The following WDFY3 variants were observed in gnomAD, a reference collection of about 807,000 sequenced individuals.
WDFY3 encodes the protein WD repeat and FYVE domain containing 3.
WDFY3 carries 66 observed loss-of-function variants against 409.6 expected under a neutral mutation model. The ratio of observed to expected loss-of-function variants is 0.16; its 90% CI spans 0.13 to 0.20. WDFY3 has a LOEUF of 0.20. WDFY3 is among the 10% of genes least tolerant of loss of function. The pLI is 1.00. For missense variants in WDFY3, 3,031 were observed against 4,298.1 expected, an observed-to-expected ratio of 0.71 and a Z score of 8.24; for synonymous variants, 1,521 against 1,537.1, an observed-to-expected ratio of 0.99 and a Z score of 0.25.
chr4:84,733,311 A>G (rs1560620204), intron 44 of WDFY3, 71 bp downstream of exon 44: 2 of 1,514,626 alleles, frequency 1.3e-6, no homozygotes, highest in East Asian at 2.3e-5. Context: ...GACTAAATAG[A>G]GAAAAAACGC....
chr4:84,929,906 C>A (rs1191670152), intron 2 of WDFY3, among the ~76,000 whole-genome samples: 1 of 149,930 alleles, frequency 6.7e-6, no homozygotes, highest in Middle Eastern at 3.2e-3. Context: ...AGAGAAACTT[C>A]GCTTAAAAAA....
chr4:84,812,413 T>C (rs556764923), intron 13 of WDFY3, among the ~76,000 whole-genome samples: 1 of 152,198 alleles, frequency 6.6e-6, no homozygotes, highest in Admixed American at 6.5e-5. Flanking sequence ...CTCAGGATGC[T>C]TGGGGTCATA....
chr4:84,846,334 C>CCT (rs1046233279), intron 5 of WDFY3, among the ~76,000 whole-genome samples: 2 of 151,902 alleles, frequency 1.3e-5, no homozygotes, highest in African/African-American at 4.8e-5. Flanking sequence ...TTTGAAATTT[C>CCT]CTAAGAGTCT....
intron 48 of WDFY3, among the ~76,000 whole-genome samples, chr4:84,717,249 T>C (rs763006929): frequency 6.6e-6 from 1 of 152,182 alleles, no homozygotes; most frequent in South Asian, 2.1e-4. Flanking sequence ...AGGACCAAGT[T>C]ATCTACCAGA....
intron 24 of WDFY3, 91 bp from the exon 25 acceptor site, chr4:84,783,165 T>C: frequency 2.6e-6 from 3 of 1,167,486 alleles, no homozygotes; most frequent in Non-Finnish European, 3.7e-6. Flanking sequence ...AATGGTAACA[T>C]ATCTTTTCTC....
chr4:84,746,647 G>C (rs1739498920), intron 36 of WDFY3, among the ~76,000 whole-genome samples: 1 of 151,824 alleles, frequency 6.6e-6, no homozygotes, highest in African/African-American at 2.4e-5. Context: ...TTCTTACTGA[G>C]ATGTATAGCA....
chr4:84,677,506 G>T (rs1168203692), intron 66 of WDFY3, 110 bp from the exon 67 acceptor site: 1 of 1,053,818 alleles, frequency 9.5e-7, no homozygotes, highest in Non-Finnish European at 1.3e-6. Flanking sequence ...GGCTGGTAAG[G>T]GTCCTGGAGA....
chr4:84,799,941 G>A (rs1282817551), intron 17 of WDFY3, among the ~76,000 whole-genome samples: 1 of 152,176 alleles, frequency 6.6e-6, no homozygotes, highest in Non-Finnish European at 1.5e-5. Context: ...TGCAATGTAA[G>A]TTATCTGGTA....
chr4:84,732,443 C>T (rs890895878), intron 44 of WDFY3, among the ~76,000 whole-genome samples: 13 of 152,106 alleles, frequency 8.5e-5, no homozygotes, highest in African/African-American at 3.1e-4. Context: ...AGATTATTAT[C>T]AATTATAGTC....
At position 84,688,710 on chromosome 4, in the gene WDFY3, AT is replaced by A. The variant is rs908660312; in HGVS notation, c.9364-446del. On this transcript the variant is annotated intron_variant, in intron 61 of 67. Transcript: ENST00000295888. ...ATTCTAAAGAATTACAATTGAATGA[AT>A]TTTTTTTTAAAAAAATGCATAAACT... Among the ~76,000 whole-genome samples the A allele has an allele frequency of 2.7e-3, 413 of 150,780 alleles. 2 individuals are homozygous for A. The highest frequency in any genetic ancestry group is 2.4e-3 in the Non-Finnish European group (160 of 67,834).
intron 44 of WDFY3, among the ~76,000 whole-genome samples, chr4:84,728,791 T>C (rs995398203): frequency 1.3e-5 from 2 of 152,174 alleles, no homozygotes; most frequent in Non-Finnish European, 2.9e-5. Flanking sequence ...CAATAGTAAA[T>C]ATGTTATACC....
intron 27 of WDFY3, among the ~76,000 whole-genome samples, chr4:84,776,881 A>T (rs1437872832): frequency 6.6e-6 from 1 of 152,128 alleles, no homozygotes; most frequent in Non-Finnish European, 1.5e-5. Flanking sequence ...TGAAAGAATG[A>T]GGTCCCAAGG....
At chr4:84,762,034 C>G (rs1040396545) in intron 32 of WDFY3, among the ~76,000 whole-genome samples, 1 of 152,084 alleles carries the variant, frequency 6.6e-6, no homozygotes, top group African/African-American at 2.4e-5. Context: ...ACTAGTTCAA[C>G]CATTGTGGAA....
At chr4:84,791,784 A>G (rs562831604) in intron 21 of WDFY3, among the ~76,000 whole-genome samples, 2 of 152,306 alleles carry the variant, frequency 1.3e-5, no homozygotes, top group South Asian at 2.1e-4. Context: ...TCCCACGTAT[A>G]TAAATATATT....
At chr4:84,816,240 A>G (rs1244733659) in intron 13 of WDFY3, among the ~76,000 whole-genome samples, 6 of 152,132 alleles carry the variant, frequency 3.9e-5, no homozygotes, top group African/African-American at 1.4e-4. Context: ...CTTTACTCAG[A>G]TATTATTTAA....
rs140950657 is a variant in WDFY3 at position 84,904,496 on chromosome 4, G to A, written c.-131-7486C>T. On this transcript the variant is annotated intron_variant, in intron 2 of 67. Transcript: ENST00000295888. ...AACAAATGGTAGACATGGTAGAGAT[G>A]TAATACTTTCTCATCTATTACAGTA... 2.1e-3 allele frequency among the ~76,000 whole-genome samples: 327 copies of A among 152,266 alleles called. 1 individual carries two copies. The highest frequency in any genetic ancestry group is 7.2e-3 in the African/African-American group (300 of 41,554).
intron 48 of WDFY3, among the ~76,000 whole-genome samples, chr4:84,717,866 G>A (rs374749094): frequency 6.4e-4 from 97 of 152,044 alleles, no homozygotes; most frequent in African/African-American, 2.3e-3. Context: ...GGCTAACATG[G>A]TGAAACTCTG....
rs143693075 is a variant in WDFY3, at chr4:84,715,280, G to T, written c.7961+18C>A. ...ATCTTCCCATAATAGTATACAAAGT[G>T]TTCCGAATAAACAAGACCTTTGATA... On this transcript the variant is annotated intron_variant, in intron 50 of 67. Coordinates refer to ENST00000295888, the MANE Select transcript of WDFY3 (RefSeq NM_014991.6). The T allele has an allele frequency of 1.1e-3, 1,670 of 1,488,270 alleles. 16 individuals carry two copies. In the African/African-American group the frequency reaches 0.02, roughly 17 times the overall value. 92.2% of individuals were successfully genotyped at this position (1,488,270 alleles called of 1,614,324 possible).
intron 1 of WDFY3, among the ~76,000 whole-genome samples, chr4:84,937,899 TG>T (rs1771633690): frequency 6.6e-6 from 1 of 152,146 alleles, no homozygotes; most frequent in Non-Finnish European, 1.5e-5. Flanking sequence ...CTGTGTGGGT[TG>T]GGGGTTGGAT....
Sources: gnomAD v4.1 joint callset for allele counts (sites outside exome capture counted in the v4.1 genomes callset) on GRCh38, gnomAD v4.1.1 for gene constraint, MANE v1.5 for transcripts, NCBI Gene and HGNC (gene_info 2026-07-23, HGNC 2026-07-21) for gene names.